Variants in DISP1 observed in about 807,000 individuals in gnomAD.
The protein encoded by DISP1 is protein dispatched homolog 1.
Under a neutral mutation model 37.3 loss-of-function variants are expected in DISP1, and 30 were observed. The observed-to-expected ratio is 0.80, with a 90% CI of 0.60 to 1.09. DISP1 has a LOEUF of 1.09. Among genes scored for constraint, DISP1 ranks in the 50% least tolerant of loss-of-function variants. The pLI is 0.00. For missense variants in DISP1, 1,598 were observed against 1,879.5 expected (o/e 0.85, Z 2.77); for synonymous variants, 634 against 690.2 (o/e 0.92, Z 1.28).
At chr1:222,816,824 T>G (rs1212834271) in intron 1 of DISP1, among the ~76,000 whole-genome samples, 1 of 152,238 alleles carries the variant, frequency 6.6e-6, no homozygotes, top group Non-Finnish European at 1.5e-5. Flanking sequence ...CTAAAGTAAT[T>G]GAATTAACTG....
At chr1:222,889,527 A>G (rs988344149) in intron 1 of DISP1, among the ~76,000 whole-genome samples, 2 of 150,266 alleles carry the variant, frequency 1.3e-5, no homozygotes, top group Non-Finnish European at 3.0e-5. Flanking sequence ...TAAATTTTTC[A>G]TTGGGTTGGT....
chr1:222,960,564 G>C (rs1675978150), intron 3 of DISP1, among the ~76,000 whole-genome samples: 1 of 152,118 alleles, frequency 6.6e-6, no homozygotes, highest in Non-Finnish European at 1.5e-5. Context: ...AAAAGAGCTA[G>C]AGAGGCAAGC....
intron 1 of DISP1, among the ~76,000 whole-genome samples, chr1:222,825,946 G>C (rs1664274622): frequency 6.6e-6 from 1 of 152,218 alleles, no homozygotes; most frequent in Non-Finnish European, 1.5e-5. Context: ...CTGTCACCCA[G>C]ACTGGAGTGC....
At chr1:222,944,911 G>C (rs2039780) in intron 3 of DISP1, among the ~76,000 whole-genome samples, 1 of 151,984 alleles carries the variant, frequency 6.6e-6, no homozygotes, top group African/African-American at 2.4e-5. Context: ...TCATGGCTGC[G>C]GGGATTACAG....
intron 4 of DISP1, among the ~76,000 whole-genome samples, chr1:222,983,341 G>C (rs112159698): frequency 6.6e-6 from 1 of 152,150 alleles, no homozygotes; most frequent in Admixed American, 6.5e-5. Context: ...TCTAGGGCTA[G>C]GTGCAGTGGC....
intron 1 of DISP1, among the ~76,000 whole-genome samples, chr1:222,876,291 C>T (rs1200719575): frequency 6.6e-6 from 1 of 152,116 alleles, no homozygotes; most frequent in African/African-American, 2.4e-5. Context: ...GATTCAGCTT[C>T]TGGAGTATAT....
chr1:222,980,692 T>TA (rs1677768633), intron 3 of DISP1, among the ~76,000 whole-genome samples: 2 of 152,334 alleles, frequency 1.3e-5, no homozygotes, highest in East Asian at 1.9e-4. Context: ...TTTAGATTTT[T>TA]AAAAAATGAA....
intron 1 of DISP1, 34 bp downstream of exon 1, chr1:222,815,112 TTTCC>T (rs1453623438): frequency 1.3e-5 from 2 of 152,044 alleles, no homozygotes; most frequent in African/African-American, 4.8e-5. Context: ...CAGGCACTTG[TTTCC>T]TCAGTGGATG....
intron 1 of DISP1, among the ~76,000 whole-genome samples, chr1:222,915,882 G>C (rs1672471363): frequency 6.6e-6 from 1 of 152,106 alleles, no homozygotes; most frequent in African/African-American, 2.4e-5. Context: ...CTTACTTTTT[G>C]TTGTTATTGT....
intron 1 of DISP1, among the ~76,000 whole-genome samples, chr1:222,820,460 T>C (rs1270699140): frequency 6.6e-6 from 1 of 152,160 alleles, no homozygotes; most frequent in Non-Finnish European, 1.5e-5. Context: ...GGGCTTCCTT[T>C]CTGGAGGAAG....
chr1:222,860,525 G>A (rs1321745045), intron 1 of DISP1, among the ~76,000 whole-genome samples: 3 of 152,114 alleles, frequency 2.0e-5, no homozygotes, highest in Admixed American at 6.5e-5. Flanking sequence ...AAGCCAATAC[G>A]TAATGCCTGA....
chr1:222,905,000 G>A (rs144954533), intron 1 of DISP1, among the ~76,000 whole-genome samples: 2,285 of 152,100 alleles, frequency 0.015, 59 homozygotes, highest in African/African-American at 0.052. Context: ...AATACAAATC[G>A]GATCATTTAT....
rs1037618658 is a variant in DISP1 at position 222,943,162 on chromosome 1, C to T, written c.339C>T (p.Ala113=). ...EAGPAAPSAL[A]SCCMQPHSEY... is the part of the protein sequence containing the mutation. The stretch of plus-strand genomic sequence containing the variant: ...GCCCTGCAGCACCCTCTGCTTTGGC[C>T]TCGTGTTGCATGCAGCCACACTCCG... The change falls in exon 3 of 9, where the codon GCC becomes GCT. Residue 113 remains alanine (A), a synonymous_variant. Coordinates refer to ENST00000675850, the MANE Select transcript of DISP1 (RefSeq NM_001377229.1). 1.9e-6 allele frequency: 3 copies of T among 1,611,968 alleles called. No homozygotes were observed. The highest frequency in any genetic ancestry group is 2.5e-6 in the Non-Finnish European group (3 of 1,178,096).
chr1:223,002,316 C>A, intron 8 of DISP1, 69 bp from the exon 9 acceptor site: 1 of 1,406,318 alleles, frequency 7.1e-7, no homozygotes, highest in South Asian at 1.2e-5. Context: ...TTAGTGCAGT[C>A]CTTTCCAGTT....
At chr1:222,932,075 G>C (rs1673435394) in intron 2 of DISP1, among the ~76,000 whole-genome samples, 1 of 151,880 alleles carries the variant, frequency 6.6e-6, no homozygotes, top group Non-Finnish European at 1.5e-5. Context: ...AGGTCCAACT[G>C]TTTTCTAATA....
chr1:222,926,281 C>G (rs933641890), intron 1 of DISP1, among the ~76,000 whole-genome samples: 1 of 152,096 alleles, frequency 6.6e-6, no homozygotes. Flanking sequence ...GAATAATATT[C>G]CATTGTATAG....
rs766841925 is a variant in DISP1 at position 223,005,173 on chromosome 1, A to C, written c.3776A>C (p.His1259Pro). The C allele has an allele frequency of 2.5e-6, 4 of 1,614,196 alleles. No individual in the cohort carries two copies. The highest frequency in any genetic ancestry group is 2.5e-6 in the Non-Finnish European group (3 of 1,180,024). Residue 1259 changes from histidine to proline, a missense_variant, in exon 9 of 9, where the codon CAT (histidine) becomes CCT (proline). His to Pro is a moderately conservative substitution (Grantham distance 77). Transcript: ENST00000675850. ...SALLQPPLEQ[H>P]TVCHFFSLNQ... ...TTGTTACAGCCCCCTCTTGAACAGC[A>C]TACCGTGTGTCACTTCTTCTCTCTG...
chr1:222,927,766 A>T (rs1331340623), intron 1 of DISP1, among the ~76,000 whole-genome samples: 1 of 152,122 alleles, frequency 6.6e-6, no homozygotes, highest in Non-Finnish European at 1.5e-5. Context: ...AGAGACTTTT[A>T]TGTTGTGGTT....
At chr1:222,984,561 A>T in intron 4 of DISP1, among the ~76,000 whole-genome samples, 1 of 150,782 alleles carries the variant, frequency 6.6e-6, no homozygotes, top group Non-Finnish European at 1.5e-5. Flanking sequence ...TAACATGTTG[A>T]CATACTTTAA....
Sources: allele counts gnomAD v4.1 joint callset (sites outside exome capture counted in the v4.1 genomes callset), GRCh38; gene constraint gnomAD v4.1.1; transcripts MANE v1.5; gene names NCBI Gene and HGNC (gene_info 2026-07-23, HGNC 2026-07-21).